NLGN1: variants seen among roughly 807,000 people sequenced by gnomAD.
NLGN1 encodes the protein neuroligin-1.
NLGN1 carries 12 observed loss-of-function variants against 65.5 expected under a neutral mutation model. The observed-to-expected ratio is 0.18, with a 90% confidence interval of 0.12 to 0.30. The LOEUF (loss-of-function observed/expected upper bound fraction) is 0.30, where lower values mean the gene tolerates loss of function less well. Ranked by LOEUF, NLGN1 falls within the 10% of genes least tolerant of loss-of-function variation. The pLI is 1.00. For synonymous variants in NLGN1, 350 were observed against 359.5 expected (o/e 0.97, Z 0.30); for missense variants, 750 against 1,007.1 (o/e 0.74, Z 3.46).
At chr3:173,403,928 T>C (rs1024043116) in intron 1 of NLGN1, among the ~76,000 whole-genome samples, 12 of 152,116 alleles carry the variant, frequency 7.9e-5, no homozygotes, top group African/African-American at 2.2e-4. Context: ...TAGACGATAC[T>C]GTGTTCCGTA....
chr3:174,029,730 G>A (rs947818717), intron 4 of NLGN1, among the ~76,000 whole-genome samples: 1 of 152,160 alleles, frequency 6.6e-6, no homozygotes, highest in Non-Finnish European at 1.5e-5. Flanking sequence ...GGGCCAGGTG[G>A]AGATAATTGA....
At chr3:173,845,896 A>T (rs189390911) in intron 4 of NLGN1, among the ~76,000 whole-genome samples, 41 of 152,252 alleles carry the variant, frequency 2.7e-4, no homozygotes, top group Non-Finnish European at 5.3e-4. Context: ...GTATTCAGTC[A>T]TATAACCACC....
chr3:173,673,838 T>C (rs1762781070), intron 3 of NLGN1, among the ~76,000 whole-genome samples: 1 of 151,960 alleles, frequency 6.6e-6, no homozygotes, highest in Admixed American at 6.6e-5. Flanking sequence ...AATGAAGGGA[T>C]TTATTGAAAA....
chr3:173,854,965 A>G (rs777159072), intron 4 of NLGN1, among the ~76,000 whole-genome samples: 3 of 152,166 alleles, frequency 2.0e-5, no homozygotes, highest in Non-Finnish European at 2.9e-5. Context: ...TTTGTTCAAA[A>G]TCACAAAGAA....
chr3:174,118,028 G>A (rs1716911770), intron 4 of NLGN1, among the ~76,000 whole-genome samples: 1 of 152,048 alleles, frequency 6.6e-6, no homozygotes, highest in African/African-American at 2.4e-5. Flanking sequence ...GTTAATGAAG[G>A]CCATGTCATT....
intron 2 of NLGN1, among the ~76,000 whole-genome samples, chr3:173,581,364 C>T (rs1275922508): frequency 6.6e-6 from 1 of 151,936 alleles, no homozygotes; most frequent in African/African-American, 2.4e-5. Context: ...ATTTTAAATA[C>T]TCTGGGTGAG....
rs1743243596 is a variant in NLGN1, at chr3:174,086,234, C to CATATATATTTATGTATGTGCATACAT, written c.647-189057_647-189032dup. ...GTGTGTGTATATTTATGTATGTGCACATATATATTTATGTATGTGCATACA... is the reference window on the plus strand; with the variant it reads ...GTGTGTGTATATTTATGTATGTGCACATATATATTTATGTATGTGCATACATATATATATTTATGTATGTGCATACA... On this transcript the variant is annotated intron_variant, in intron 4 of 6. Transcript: ENST00000457714. 3.3e-3 allele frequency among the ~76,000 whole-genome samples: 12 copies of CATATATATTTATGTATGTGCATACAT among 3,672 alleles called. 6 individuals are homozygous for CATATATATTTATGTATGTGCATACAT. Among genetic ancestry groups the CATATATATTTATGTATGTGCATACAT allele is most frequent in the Non-Finnish European group, 4.2e-3 (8 of 1,896 alleles). The allele number at this position is 3,672 out of a possible 152,430, so 2.4% of individuals were successfully genotyped here. A position where few individuals can be genotyped will look rare whatever the true frequency, so the allele number is the denominator to read the frequency against.
At chr3:173,637,372 A>G (rs1023224420) in intron 3 of NLGN1, among the ~76,000 whole-genome samples, 1 of 152,194 alleles carries the variant, frequency 6.6e-6, no homozygotes, top group Admixed American at 6.5e-5. Flanking sequence ...AGAGTGGTCC[A>G]TTCTTTACAT....
At chr3:173,787,846 A>T (rs1019120449) in intron 3 of NLGN1, among the ~76,000 whole-genome samples, 1 of 152,234 alleles carries the variant, frequency 6.6e-6, no homozygotes, top group African/African-American at 2.4e-5. Flanking sequence ...TTGTAAATCA[A>T]ATTATGCTCA....
At position 174,007,504 on chromosome 3, in the gene NLGN1, A is replaced by G. The variant is rs368215311; in HGVS notation, c.646+199672A>G. Among the ~76,000 whole-genome samples, 18 of 152,312 alleles carry G rather than the reference A, an allele frequency of 1.2e-4. 1 individual carries two copies. The East Asian group carries it at 3.1e-3, about 26-fold the overall frequency. ...ATCTTTCCTGACTGTGACTTCCCAT[A>G]GTACTCTGTTGCATCCTCCTTTATG... On this transcript the variant is annotated intron_variant, in intron 4 of 6. Coordinates refer to ENST00000457714, the Ensembl canonical transcript of NLGN1.
At chr3:173,430,881 G>A (rs1717051158) in intron 1 of NLGN1, among the ~76,000 whole-genome samples, 1 of 152,172 alleles carries the variant, frequency 6.6e-6, no homozygotes, top group African/African-American at 2.4e-5. Flanking sequence ...CTGATACCAT[G>A]CTTCTTGTAC....
chr3:173,970,071 AGT>A (rs1169696651), intron 4 of NLGN1, among the ~76,000 whole-genome samples: 3 of 152,166 alleles, frequency 2.0e-5, no homozygotes, highest in African/African-American at 7.2e-5. Flanking sequence ...TGATAGTTAC[AGT>A]TTCTTTTTTA....
chr3:173,985,382 T>C (rs1161061955), intron 4 of NLGN1, among the ~76,000 whole-genome samples: 1 of 152,164 alleles, frequency 6.6e-6, no homozygotes, highest in African/African-American at 2.4e-5. Context: ...GTCCTGGGTC[T>C]CAAAAGCTAT....
At chr3:173,697,463 A>G (rs756094150) in intron 3 of NLGN1, among the ~76,000 whole-genome samples, 2 of 152,148 alleles carry the variant, frequency 1.3e-5, no homozygotes, top group Non-Finnish European at 2.9e-5. Context: ...AGGATTTTTA[A>G]AAACATTAAG....
chr3:173,723,359 A>G (rs1771185174), intron 3 of NLGN1, among the ~76,000 whole-genome samples: 2 of 152,192 alleles, frequency 1.3e-5, no homozygotes, highest in Non-Finnish European at 2.9e-5. Context: ...ATACTTTCTA[A>G]TCACATAGAT....
chr3:174,269,199 T>C (rs1252508841), intron 4 of NLGN1, among the ~76,000 whole-genome samples: 1 of 151,882 alleles, frequency 6.6e-6, no homozygotes, highest in Non-Finnish European at 1.5e-5. Flanking sequence ...ATTAAATTTA[T>C]CATTATTACC....
At chr3:173,739,090 A>G (rs1774219408) in intron 3 of NLGN1, among the ~76,000 whole-genome samples, 1 of 152,004 alleles carries the variant, frequency 6.6e-6, no homozygotes, top group Non-Finnish European at 1.5e-5. Flanking sequence ...ATTGGTGAGA[A>G]TATTCAAGAT....
intron 4 of NLGN1, among the ~76,000 whole-genome samples, chr3:174,024,297 A>G (rs975085133): frequency 2.0e-5 from 3 of 152,130 alleles, no homozygotes; most frequent in African/African-American, 7.2e-5. Flanking sequence ...TAAGGAGATG[A>G]TGATTGTCAA....
chr3:173,563,676 G>A (rs1743153758), intron 2 of NLGN1, among the ~76,000 whole-genome samples: 1 of 151,780 alleles, frequency 6.6e-6, no homozygotes, highest in South Asian at 2.1e-4. Flanking sequence ...TCATTCTTGG[G>A]TCATCTTTTT....
Sources: gnomAD v4.1 joint callset for allele counts (sites outside exome capture counted in the v4.1 genomes callset) on GRCh38, gnomAD v4.1.1 for gene constraint, MANE v1.5 for transcripts, NCBI Gene and HGNC (gene_info 2026-07-23, HGNC 2026-07-21) for gene names.